SYBU: variants seen among roughly 807,000 people sequenced by gnomAD.
SYBU encodes syntabulin.
Under a neutral mutation model 35.9 loss-of-function variants are expected in SYBU, and 21 were observed. The ratio of observed to expected loss-of-function variants is 0.58; its 90% confidence interval spans 0.41 to 0.84. SYBU has a LOEUF of 0.84. SYBU is among the 40% of genes least tolerant of loss of function. SYBU has a pLI of 0.00. For synonymous variants in SYBU, 319 were observed against 324.3 expected (o/e 0.98, Z 0.18); for missense variants, 768 against 848.2 (o/e 0.91, Z 1.17).
intron 1 of SYBU, among the ~76,000 whole-genome samples, chr8:109,679,504 T>C (rs150014118): frequency 2.1e-4 from 32 of 152,372 alleles, no homozygotes; most frequent in African/African-American, 6.7e-4. Context: ...CATCTTCCAA[T>C]GTGCAGTTAA....
intron 5 of SYBU, 151 bp from the exon 6 acceptor site, chr8:109,578,168 G>A: frequency 2.3e-6 from 2 of 856,054 alleles, no homozygotes; most frequent in Non-Finnish European, 3.5e-6. Context: ...ATTAGGTGGT[G>A]ACGACTTTGG....
At chr8:109,640,756 GT>G (rs147018678) in intron 2 of SYBU, among the ~76,000 whole-genome samples, 6,744 of 132,024 alleles carry the variant, frequency 0.051, 458 homozygotes, top group African/African-American at 0.16. Flanking sequence ...TTTTGATAGG[GT>G]TTTTTTTTTC....
intron 1 of SYBU, among the ~76,000 whole-genome samples, chr8:109,659,803 A>T (rs1163749423): frequency 6.6e-6 from 1 of 152,204 alleles, no homozygotes; most frequent in Admixed American, 6.5e-5. Context: ...AGTAGGGGAA[A>T]ATATATATTT....
At chr8:109,683,143 A>G (rs982336726), upstream of SYBU, among the ~76,000 whole-genome samples, 2 of 152,216 alleles carry the variant, frequency 1.3e-5, no homozygotes, top group Non-Finnish European at 2.9e-5. Flanking sequence ...ACTGCCTAGT[A>G]GAGCTGTGAG....
upstream of SYBU, chr8:109,645,272 A>G (rs1017042790): frequency 1.1e-5 from 5 of 456,566 alleles, no homozygotes; most frequent in African/African-American, 2.0e-5. Context: ...CGAGAGCTGC[A>G]GAGATCCCTC....
At chr8:109,651,017 G>A (rs961721531) in intron 1 of SYBU, among the ~76,000 whole-genome samples, 5 of 152,212 alleles carry the variant, frequency 3.3e-5, no homozygotes, top group Admixed American at 6.5e-5. Flanking sequence ...TATGGCAAGT[G>A]AAGTTACTAC....
rs146565381 is a variant in SYBU, at chr8:109,636,333, G to A, written c.229+6395C>T. Among the ~76,000 whole-genome samples, 4 of 152,316 alleles carry A rather than the reference G, an allele frequency of 2.6e-5. No homozygotes were observed. The East Asian group carries it at 5.8e-4, about 22-fold the overall frequency. On this transcript the variant is annotated intron_variant, in intron 2 of 6. Coordinates refer to ENST00000276646, the MANE Select transcript of SYBU (RefSeq NM_001099754.2). ...AGGTAGGAGTGTATGTGGGGTGGGT[G>A]TGAATGAAAGGGACTGGGACACAGG...
chr8:109,585,875 G>A, intron 4 of SYBU, 185 bp downstream of exon 4: 2 of 581,394 alleles, frequency 3.4e-6, no homozygotes, highest in Non-Finnish European at 6.1e-6. Context: ...GGTGAGCCAT[G>A]TGACCACAGT....
At chr8:109,621,821 G>T (rs544993610) in intron 2 of SYBU, among the ~76,000 whole-genome samples, 1 of 152,276 alleles carries the variant, frequency 6.6e-6, no homozygotes, top group South Asian at 2.1e-4. Context: ...ACTAACAAAG[G>T]AATCTAGAAA....
At chr8:109,650,911 A>G (rs1586955081) in intron 1 of SYBU, among the ~76,000 whole-genome samples, 2 of 152,202 alleles carry the variant, frequency 1.3e-5, no homozygotes, top group Admixed American at 1.3e-4. Flanking sequence ...AATTATCCCT[A>G]TTCCTTCTGT....
At chr8:109,671,027 A>T (rs1222108300) in intron 1 of SYBU, among the ~76,000 whole-genome samples, 1 of 152,214 alleles carries the variant, frequency 6.6e-6, no homozygotes, top group African/African-American at 2.4e-5. Context: ...ACAGCTCTCA[A>T]ATTATGTATC....
Position 109,574,160 on chromosome 8 carries a change from A to G in SYBU, c.*746T>C, listed in dbSNP as rs1821951349. The G allele has an allele frequency of 6.6e-6, 1 of 152,194 alleles. No individual in the cohort carries two copies. The highest frequency in any genetic ancestry group is 1.5e-5 in the Non-Finnish European group (1 of 68,030). 9.4% of individuals were successfully genotyped at this position (152,194 alleles called of 1,614,324 possible). On this transcript the variant is annotated 3_prime_UTR_variant, in exon 7 of 7. Transcript: ENST00000276646. The stretch of plus-strand genomic sequence containing the variant: ...CATTGTCTTTCTTATACATAGAAGT[A>G]AAATCACAGAAATAATTATTATTTT...
chr8:109,577,131 A>C (rs1278851031), intron 6 of SYBU, among the ~76,000 whole-genome samples: 4 of 152,106 alleles, frequency 2.6e-5, no homozygotes, highest in Admixed American at 2.6e-4. Flanking sequence ...CAAGGTATTG[A>C]GTTTTCTTTA....
chr8:109,658,799 C>G (rs1816452984), intron 1 of SYBU, among the ~76,000 whole-genome samples: 1 of 152,030 alleles, frequency 6.6e-6, no homozygotes, highest in South Asian at 2.1e-4. Flanking sequence ...ATGAAAAATA[C>G]AAAAATTAGC....
At chr8:109,652,717 G>A (rs1816200843) in intron 1 of SYBU, among the ~76,000 whole-genome samples, 1 of 152,084 alleles carries the variant, frequency 6.6e-6, no homozygotes, top group South Asian at 2.1e-4. Context: ...CTAACTCTCA[G>A]GGCAATTTCA....
At chr8:109,608,611 T>G (rs1402193379) in intron 3 of SYBU, among the ~76,000 whole-genome samples, 1 of 152,170 alleles carries the variant, frequency 6.6e-6, no homozygotes, top group Non-Finnish European at 1.5e-5. Flanking sequence ...AGAAAAAATG[T>G]TTAGTAAGCT....
chr8:109,609,168 C>T (rs1437344907), intron 3 of SYBU, among the ~76,000 whole-genome samples: 3 of 152,186 alleles, frequency 2.0e-5, no homozygotes, highest in Non-Finnish European at 2.9e-5. Flanking sequence ...AAGAAATCCC[C>T]TTACATTAGA....
At chr8:109,631,648 T>C (rs1387679117) in intron 2 of SYBU, among the ~76,000 whole-genome samples, 1 of 152,176 alleles carries the variant, frequency 6.6e-6, no homozygotes, top group Non-Finnish European at 1.5e-5. Context: ...TTGGTCCAAA[T>C]ATTTAATGTA....
chr8:109,624,745 T>C (rs1812797140), intron 2 of SYBU, among the ~76,000 whole-genome samples: 1 of 152,162 alleles, frequency 6.6e-6, no homozygotes. Context: ...ATGAAATATA[T>C]AGAAAATAGA....
Sources: gnomAD v4.1 joint callset for allele counts (sites outside exome capture counted in the v4.1 genomes callset) on GRCh38, gnomAD v4.1.1 for gene constraint, MANE v1.5 for transcripts, NCBI Gene and HGNC (gene_info 2026-07-23, HGNC 2026-07-21) for gene names.